UHRF2: variants seen among roughly 807,000 people sequenced by gnomAD.
UHRF2 encodes the protein ubiquitin like with PHD and ring finger domains 2.
A neutral mutation model predicts 96.8 loss-of-function variants in UHRF2; 23 were observed. The ratio of observed to expected loss-of-function variants is 0.24; its 90% CI spans 0.17 to 0.34. The LOEUF (loss-of-function observed/expected upper bound fraction) is 0.34, where lower values mean the gene tolerates loss of function less well. UHRF2 is among the 10% of genes least tolerant of loss of function. The pLI is 1.00. For synonymous variants in UHRF2, 385 were observed against 332.6 expected (o/e 1.16, Z -1.72); for missense variants, 685 against 981.5 (o/e 0.70, Z 4.04).
chr9:6,479,160 T>G (rs1173343810), intron 6 of UHRF2, among the ~76,000 whole-genome samples: 2 of 152,134 alleles, frequency 1.3e-5, no homozygotes, highest in Admixed American at 6.5e-5. Context: ...GTTCTCTGCT[T>G]CTTTCATGCA....
intron 3 of UHRF2, among the ~76,000 whole-genome samples, chr9:6,455,318 G>T (rs1275952104): frequency 6.6e-6 from 1 of 152,076 alleles, no homozygotes; most frequent in Non-Finnish European, 1.5e-5. Flanking sequence ...GCCCGGGTGT[G>T]CGATGTTCCC....
At chr9:6,487,845 T>C (rs1032630041) in intron 9 of UHRF2, among the ~76,000 whole-genome samples, 8 of 152,260 alleles carry the variant, frequency 5.3e-5, no homozygotes, top group African/African-American at 1.9e-4. Context: ...GTTTTCTCTT[T>C]TAAAAAATAA....
rs1295933371 is a variant in UHRF2 at position 6,413,556 on chromosome 9, A to G, written c.66A>G (p.Lys22=). The G allele has an allele frequency of 6.2e-7, 1 of 1,600,602 alleles. No individual in the cohort carries two copies. The highest frequency in any genetic ancestry group is 1.4e-5 in the African/African-American group (1 of 73,284). Residue 22 remains lysine (K), a synonymous_variant, in exon 1 of 16, where the codon AAA becomes AAG. Coordinates refer to ENST00000276893, the MANE Select transcript of UHRF2 (RefSeq NM_152896.3). ...GCACCATTGAGGACGTGTCTCGCAA[A>G]GCCACGATTGAGGAGCTGCGCGAGC... ...KTCTIEDVSR[K]ATIEELRERV... is the part of the protein sequence containing the mutation.
chr9:6,456,978 C>G (rs1367228480), intron 3 of UHRF2, among the ~76,000 whole-genome samples: 1 of 152,132 alleles, frequency 6.6e-6, no homozygotes, highest in Admixed American at 6.6e-5. Context: ...TTAGGATAGT[C>G]TTGGCTATAC....
intron 3 of UHRF2, among the ~76,000 whole-genome samples, chr9:6,448,429 T>C (rs1488969575): frequency 6.6e-6 from 1 of 152,242 alleles, no homozygotes; most frequent in Non-Finnish European, 1.5e-5. Context: ...AAAAAGTTTG[T>C]CTCTGTTAAG....
Position 6,506,265 on chromosome 9 carries a change from G to T in UHRF2, c.*86G>T. 1 of 1,539,076 alleles carries T rather than the reference G, an allele frequency of 6.5e-7. No individual in the cohort carries two copies. The highest frequency in any genetic ancestry group is 1.4e-5 in the African/African-American group (1 of 73,338). On this transcript the variant is annotated 3_prime_UTR_variant, in exon 16 of 16. Coordinates refer to ENST00000276893, the MANE Select transcript of UHRF2 (RefSeq NM_152896.3). ...GGTGGGGAGGGTGGAAGAAATGGTG[G>T]ACTGTATCTCTCACGTTCTGAAGCA...
chr9:6,477,377 T>A (rs1013624893), intron 5 of UHRF2, among the ~76,000 whole-genome samples: 4 of 151,566 alleles, frequency 2.6e-5, no homozygotes, highest in East Asian at 1.9e-4. Context: ...AATAAAAAAA[T>A]TAGCCAGGCG....
At chr9:6,451,707 G>T (rs551475549) in intron 3 of UHRF2, among the ~76,000 whole-genome samples, 11 of 152,090 alleles carry the variant, frequency 7.2e-5, no homozygotes, top group Non-Finnish European at 1.3e-4. Context: ...TCCTGACCTC[G>T]TGATCCGCCT....
At chr9:6,422,656 C>G (rs1819999075) in intron 2 of UHRF2, 1 of 652,096 alleles carries the variant, frequency 1.5e-6, no homozygotes. Flanking sequence ...GTCACCCAGG[C>G]TGTAGTGCAG....
chr9:6,491,837 G>A (rs1824677206), intron 9 of UHRF2, among the ~76,000 whole-genome samples: 1 of 152,154 alleles, frequency 6.6e-6, no homozygotes, highest in Non-Finnish European at 1.5e-5. Flanking sequence ...ACAATTTAAT[G>A]GATCATTGAC....
chr9:6,413,685 G>T, intron 1 of UHRF2, 42 bp downstream of exon 1: 4 of 1,506,284 alleles, frequency 2.7e-6, no homozygotes, highest in South Asian at 2.5e-5. Flanking sequence ...CTGGGGGCCG[G>T]AACAGCTGGG....
chr9:6,442,672 G>A (rs905937521), intron 3 of UHRF2, among the ~76,000 whole-genome samples: 2 of 150,802 alleles, frequency 1.3e-5, no homozygotes, highest in South Asian at 2.1e-4. Flanking sequence ...TTTTTGGGGG[G>A]GTAGAGATGG....
chr9:6,430,648 A>G (rs1249697803), intron 2 of UHRF2, among the ~76,000 whole-genome samples: 4 of 152,098 alleles, frequency 2.6e-5, no homozygotes, highest in African/African-American at 9.7e-5. Context: ...TTCCGCCCTG[A>G]TCACCCACAG....
At chr9:6,485,609 C>T (rs1329723925) in intron 8 of UHRF2, among the ~76,000 whole-genome samples, 2 of 113,000 alleles carry the variant, frequency 1.8e-5, no homozygotes, top group African/African-American at 6.6e-5. Flanking sequence ...TGCCTTTCCA[C>T]CCCCGCCCCC....
At chr9:6,499,962 A>C in intron 13 of UHRF2, 31 bp downstream of exon 13, 7 of 1,453,688 alleles carry the variant, frequency 4.8e-6, no homozygotes, top group East Asian at 2.5e-5. Context: ...ATAAATAATA[A>C]TAACATACTT....
intron 4 of UHRF2, among the ~76,000 whole-genome samples, chr9:6,472,410 T>A (rs1823298856): frequency 6.6e-6 from 1 of 152,160 alleles, no homozygotes; most frequent in African/African-American, 2.4e-5. Context: ...AAAGCATTAG[T>A]CAAGTAAAGG....
At chr9:6,480,628 T>TA (rs1248488021) in intron 6 of UHRF2, among the ~76,000 whole-genome samples, 2 of 152,218 alleles carry the variant, frequency 1.3e-5, no homozygotes, top group Non-Finnish European at 2.9e-5. Context: ...AGAGAGATAA[T>TA]ACTTGCTTTA....
chr9:6,505,176 T>G (rs1030695101), intron 15 of UHRF2, among the ~76,000 whole-genome samples: 1 of 152,188 alleles, frequency 6.6e-6, no homozygotes, highest in Non-Finnish European at 1.5e-5. Context: ...ACTTCAGAAC[T>G]TCAGTTTCTT....
chr9:6,490,617 G>A (rs2130940882), intron 9 of UHRF2, among the ~76,000 whole-genome samples: 1 of 152,342 alleles, frequency 6.6e-6, no homozygotes, highest in East Asian at 1.9e-4. Flanking sequence ...GACAAAGTGA[G>A]ACTCTGTCTT....
Sources: gnomAD v4.1 joint callset for allele counts (sites outside exome capture counted in the v4.1 genomes callset) on GRCh38, gnomAD v4.1.1 for gene constraint, MANE v1.5 for transcripts, NCBI Gene and HGNC (gene_info 2026-07-23, HGNC 2026-07-21) for gene names.